The following TP53BP2 variants were observed in gnomAD, a reference collection of about 807,000 sequenced individuals.
TP53BP2 encodes tumor protein p53 binding protein 2, also known as apoptosis-stimulating of p53 protein 2.
In TP53BP2, 62 loss-of-function variants were observed where a neutral mutation model predicts 126.2. That is an observed-to-expected ratio of 0.49 (90% confidence interval 0.40 to 0.61). TP53BP2 has a LOEUF of 0.61. TP53BP2 is among the 20% of genes least tolerant of loss of function. The pLI is 0.00. For missense variants in TP53BP2, 1,215 were observed against 1,402.8 expected (o/e 0.87, Z 2.14); for synonymous variants, 485 against 502.9 (o/e 0.96, Z 0.48).
At chr1:223,835,093 C>T (rs900870228) in intron 1 of TP53BP2, among the ~76,000 whole-genome samples, 7 of 152,120 alleles carry the variant, frequency 4.6e-5, no homozygotes, top group Non-Finnish European at 8.8e-5. Flanking sequence ...TTCAAAGTTC[C>T]ACGAAGAGGA....
rs1334816899 is a variant in TP53BP2, at chr1:223,792,406, A to G, written c.2979T>C (p.Ala993=). ...AATCTTACCATCCATCACTATCAGC[A>G]GCATTTACATTTACACCAAACTGTA... ...FLVQFGVNVN[A]ADSDGWTPLH... Residue 993 remains alanine (A), a synonymous_variant, in exon 15 of 18, where the codon GCT becomes GCC. Coordinates refer to ENST00000343537, the MANE Select transcript of TP53BP2 (RefSeq NM_001031685.3). The G allele has an allele frequency of 6.2e-7, 1 of 1,611,448 alleles. No individual in the cohort carries two copies. The highest frequency in any genetic ancestry group is 1.7e-5 in the Admixed American group (1 of 59,620).
intron 1 of TP53BP2, among the ~76,000 whole-genome samples, chr1:223,828,504 C>T (rs957375984): frequency 3.9e-5 from 6 of 152,244 alleles, no homozygotes; most frequent in East Asian, 1.9e-4. Flanking sequence ...GGATCCTTAC[C>T]GTGAGATATG....
intron 2 of TP53BP2, 88 bp from the exon 3 acceptor site, chr1:223,814,441 C>T: frequency 1.1e-6 from 1 of 946,588 alleles, no homozygotes; most frequent in Non-Finnish European, 1.6e-6. Context: ...GCAAATTATA[C>T]ATTATGGATA....
At chr1:223,802,407 C>A in intron 8 of TP53BP2, 63 bp from the exon 9 acceptor site, 1 of 1,462,958 alleles carries the variant, frequency 6.8e-7, no homozygotes, top group Non-Finnish European at 9.3e-7. Flanking sequence ...GACTTAGAAA[C>A]TAAGATGTGA....
chr1:223,805,510 C>T (rs1451252777), intron 5 of TP53BP2, among the ~76,000 whole-genome samples: 1 of 152,154 alleles, frequency 6.6e-6, no homozygotes, highest in Non-Finnish European at 1.5e-5. Flanking sequence ...CAATGATATG[C>T]ATGATTTTGG....
rs58527486 is a variant in TP53BP2, at chr1:223,839,938, T to TA, written c.27+5715dup. ...CTGGGTGATAGAGCAAGACTCTGTC[T>TA]AAAAAAAAACAACAACAAGTGAAAG... On this transcript the variant is annotated intron_variant, in intron 1 of 17. Transcript: ENST00000343537. Among the ~76,000 whole-genome samples the TA allele has an allele frequency of 2.3e-3, 353 of 151,002 alleles. 1 individual carries two copies. Among genetic ancestry groups the TA allele is most frequent in the East Asian group, 8.1e-3 (42 of 5,156 alleles).
In TP53BP2 at chr1:223,804,155, T is replaced by C. The variant is rs759308874; in HGVS notation, c.649+19A>G. The C allele has an allele frequency of 2.1e-5, 34 of 1,590,508 alleles. No homozygotes were observed. Among genetic ancestry groups the C allele is most frequent in the Non-Finnish European group, 2.4e-5 (28 of 1,172,622 alleles). ...ACAAATAAATGTATAAAAAAGTAAA[T>C]CTATGAGGAACAACTCACCAAGTTT... On this transcript the variant is annotated intron_variant, in intron 6 of 17. Coordinates refer to ENST00000343537, the MANE Select transcript of TP53BP2 (RefSeq NM_001031685.3).
chr1:223,801,442 C>T (rs1480369025), intron 9 of TP53BP2, among the ~76,000 whole-genome samples: 1 of 152,138 alleles, frequency 6.6e-6, no homozygotes, highest in Non-Finnish European at 1.5e-5. Flanking sequence ...AGAGACAATA[C>T]TGGCTATTAC....
At chr1:223,808,845 C>T (rs955724332) in intron 4 of TP53BP2, among the ~76,000 whole-genome samples, 2 of 150,956 alleles carry the variant, frequency 1.3e-5, no homozygotes, top group African/African-American at 4.9e-5. Flanking sequence ...ACACAGAGAG[C>T]AAATAAGCAC....
At chr1:223,800,658 G>C in intron 10 of TP53BP2, 42 bp downstream of exon 10, 2 of 1,466,712 alleles carry the variant, frequency 1.4e-6, no homozygotes, top group Non-Finnish European at 9.3e-7. Context: ...CCTTTCAGAT[G>C]ACCAAAATTT....
chr1:223,803,011 CTCCACACT>C (rs1368080916), intron 7 of TP53BP2, 116 bp from the exon 8 acceptor site: 2 of 1,099,358 alleles, frequency 1.8e-6, no homozygotes, highest in African/African-American at 3.2e-5. Flanking sequence ...CCCTCCACCC[CTCCACACT>C]TCTCATCTCA....
chr1:223,821,145 C>T, intron 2 of TP53BP2, 75 bp downstream of exon 2: 1 of 1,583,254 alleles, frequency 6.3e-7, no homozygotes, highest in South Asian at 1.1e-5. Context: ...TGAGCATTCA[C>T]ACAGTGCCAC....
chr1:223,803,403 C>G lies in TP53BP2; in HGVS notation c.699G>C (p.Glu233Asp), dbSNP rs767776863. The change falls in exon 7 of 18, where the codon GAG becomes GAC. Residue 233 changes from glutamate to aspartate, a missense_variant. This residue lies in a region of TP53BP2 where 814 missense variants were observed against 853.0 expected (regional missense o/e 0.95). Transcript: ENST00000343537. ...CTACTTTTGACACAGCCAGGACGAG[C>G]TCCCTCTGTTTTTGCTGGAACAAAT... Reference protein sequence around the residue: ...MNNLFQQKQRELVLAVSKVEE... With the variant: ...MNNLFQQKQRDLVLAVSKVEE... 1 of 1,613,926 alleles carries G rather than the reference C, an allele frequency of 6.2e-7. No homozygotes were observed. The highest frequency in any genetic ancestry group is 1.3e-5 in the African/African-American group (1 of 75,040).
intron 17 of TP53BP2, among the ~76,000 whole-genome samples, chr1:223,782,309 G>A (rs1661802011): frequency 6.6e-6 from 1 of 152,060 alleles, no homozygotes; most frequent in African/African-American, 2.4e-5. Context: ...GTTCTAAGGA[G>A]GTAAAGTCTT....
chr1:223,825,566 T>G (rs1663464110), intron 1 of TP53BP2, among the ~76,000 whole-genome samples: 1 of 152,236 alleles, frequency 6.6e-6, no homozygotes, highest in Admixed American at 6.5e-5. Context: ...AGCTATATAC[T>G]CTCAAATGAG....
At chr1:223,803,202 C>A (rs1403703880) in intron 7 of TP53BP2, 69 bp downstream of exon 7, 1 of 1,504,596 alleles carries the variant, frequency 6.6e-7, no homozygotes, top group Admixed American at 2.2e-5. Context: ...GCACCTCTTG[C>A]TACTTATATG....
chr1:223,844,853 T>C (rs956829465), intron 1 of TP53BP2, among the ~76,000 whole-genome samples: 1 of 152,228 alleles, frequency 6.6e-6, no homozygotes, highest in Non-Finnish European at 1.5e-5. Context: ...ATGTCCCCAC[T>C]TCAGTGGGAG....
At chr1:223,842,501 G>C (rs1664136183) in intron 1 of TP53BP2, among the ~76,000 whole-genome samples, 1 of 152,190 alleles carries the variant, frequency 6.6e-6, no homozygotes, top group African/African-American at 2.4e-5. Flanking sequence ...CAATGACCAA[G>C]TGACAGGCAA....
intron 4 of TP53BP2, among the ~76,000 whole-genome samples, chr1:223,807,725 ATACT>A (rs1370990306): frequency 1.3e-5 from 2 of 152,172 alleles, no homozygotes; most frequent in African/African-American, 4.8e-5. Context: ...AAAATATGAA[ATACT>A]TAGGGATAAA....
Sources: allele counts gnomAD v4.1 joint callset (sites outside exome capture counted in the v4.1 genomes callset), GRCh38; gene constraint gnomAD v4.1.1; regional missense constraint gnomAD v4.1.1; transcripts MANE v1.5; gene names NCBI Gene and HGNC (gene_info 2026-07-23, HGNC 2026-07-21).